Variants in FAM110B observed in about 807,000 individuals in gnomAD.
The protein encoded by FAM110B is protein FAM110B.
Under a neutral mutation model 20.4 loss-of-function variants are expected in FAM110B, and 6 were observed. The ratio of observed to expected loss-of-function variants is 0.29; its 90% CI spans 0.16 to 0.58. The LOEUF (loss-of-function observed/expected upper bound fraction) is 0.58, where lower values mean the gene tolerates loss of function less well. FAM110B is among the 20% of genes least tolerant of loss of function. The pLI, the probability that FAM110B is intolerant of heterozygous loss-of-function variation, is 0.90. For missense variants in FAM110B, 434 were observed against 498.2 expected (o/e 0.87, Z 1.23); for synonymous variants, 226 against 214.1 (o/e 1.06, Z -0.49).
intron 3 of FAM110B, among the ~76,000 whole-genome samples, chr8:58,138,629 C>A (rs1416948322): frequency 6.6e-6 from 1 of 152,160 alleles, no homozygotes; most frequent in Non-Finnish European, 1.5e-5. Context: ...CAAAGCTATT[C>A]CCATTCCAGT....
intron 3 of FAM110B, chr8:58,113,088 T>TGGG (rs35552185): frequency 6.6e-6 from 1 of 151,068 alleles, no homozygotes; most frequent in African/African-American, 2.4e-5. Flanking sequence ...TTCCCATTCA[T>TGGG]GGGGGGGGGC....
At chr8:58,028,375 G>A (rs1177647895) in intron 1 of FAM110B, among the ~76,000 whole-genome samples, 1 of 152,210 alleles carries the variant, frequency 6.6e-6, no homozygotes, top group Non-Finnish European at 1.5e-5. Context: ...CAAAGTGCTT[G>A]GATTACAGGC....
intron 3 of FAM110B, among the ~76,000 whole-genome samples, chr8:58,083,558 T>G (rs1175133634): frequency 6.6e-6 from 1 of 152,232 alleles, no homozygotes; most frequent in Admixed American, 6.5e-5. Flanking sequence ...AGAGATTCAA[T>G]TATTTGTGAT....
chr8:58,021,333 G>A (rs1447931367), intron 1 of FAM110B, among the ~76,000 whole-genome samples: 1 of 152,052 alleles, frequency 6.6e-6, no homozygotes, highest in Non-Finnish European at 1.5e-5. Flanking sequence ...CAACCAAAAA[G>A]GATATCTGAA....
chr8:58,131,012 A>G (rs1291398426), intron 3 of FAM110B, among the ~76,000 whole-genome samples: 2 of 152,114 alleles, frequency 1.3e-5, no homozygotes, highest in Non-Finnish European at 2.9e-5. Flanking sequence ...TCCAACAGCA[A>G]TCCATATAGG....
chr8:58,082,837 G>GT (rs1270825336), intron 3 of FAM110B, among the ~76,000 whole-genome samples: 65 of 123,090 alleles, frequency 5.3e-4, no homozygotes, highest in Admixed American at 1.5e-3. Flanking sequence ...CTCCATTTTT[G>GT]TTTTTTTTTG....
At chr8:58,057,323 A>G (rs1281980313) in intron 2 of FAM110B, among the ~76,000 whole-genome samples, 5 of 152,198 alleles carry the variant, frequency 3.3e-5, no homozygotes, top group Admixed American at 3.3e-4. Flanking sequence ...TAGAGTGAGA[A>G]TTGTCAGACA....
At chr8:58,026,916 C>T (rs1804865936) in intron 1 of FAM110B, among the ~76,000 whole-genome samples, 3 of 152,156 alleles carry the variant, frequency 2.0e-5, no homozygotes, top group African/African-American at 7.2e-5. Context: ...GAGAGTTTGT[C>T]AAAGTTTATC....
intron 2 of FAM110B, among the ~76,000 whole-genome samples, chr8:58,036,203 A>G (rs915337449): frequency 2.0e-5 from 3 of 152,178 alleles, no homozygotes; most frequent in Non-Finnish European, 4.4e-5. Flanking sequence ...GTCCTTTGCT[A>G]CATCTTTTCT....
chr8:58,032,220 C>A (rs887122967), intron 2 of FAM110B: 3 of 152,248 alleles, frequency 2.0e-5, no homozygotes, highest in Non-Finnish European at 4.4e-5. Flanking sequence ...GGACATTTAA[C>A]TTCCCCAATT....
At chr8:57,998,967 C>T (rs971037937) in intron 1 of FAM110B, among the ~76,000 whole-genome samples, 5 of 152,150 alleles carry the variant, frequency 3.3e-5, no homozygotes, top group Admixed American at 1.3e-4. Context: ...GAGATTTTTA[C>T]GTTTTTCACA....
At chr8:58,133,553 A>G (rs1803539399) in intron 3 of FAM110B, among the ~76,000 whole-genome samples, 1 of 152,214 alleles carries the variant, frequency 6.6e-6, no homozygotes, top group African/African-American at 2.4e-5. Flanking sequence ...AGGTCAGAAA[A>G]GACTTCCCTG....
At chr8:58,029,457 C>T (rs973751660) in intron 1 of FAM110B, among the ~76,000 whole-genome samples, 1 of 152,014 alleles carries the variant, frequency 6.6e-6, no homozygotes, top group Admixed American at 6.5e-5. Flanking sequence ...CAGCGTATGC[C>T]CTTGATAACT....
chr8:58,093,601 G>A (rs561142276), intron 3 of FAM110B, among the ~76,000 whole-genome samples: 14 of 152,214 alleles, frequency 9.2e-5, no homozygotes, highest in African/African-American at 3.4e-4. Context: ...TGTTCCATTG[G>A]TCTATACATC....
intron 3 of FAM110B, among the ~76,000 whole-genome samples, chr8:58,110,017 C>G (rs948587133): frequency 2.6e-5 from 4 of 152,180 alleles, no homozygotes; most frequent in African/African-American, 9.7e-5. Flanking sequence ...TGTCTATAAA[C>G]AACACTGTGA....
At chr8:58,032,166 T>C (rs1331973430) in intron 2 of FAM110B, 1 of 152,220 alleles carries the variant, frequency 6.6e-6, no homozygotes. Context: ...GCCTGGGTGT[T>C]CACTTGCAGT....
chr8:58,104,109 C>G (rs944569011), intron 3 of FAM110B, among the ~76,000 whole-genome samples: 1 of 152,208 alleles, frequency 6.6e-6, no homozygotes, highest in African/African-American at 2.4e-5. Context: ...GATTTTTCTG[C>G]AACTCTAGTC....
intron 2 of FAM110B, among the ~76,000 whole-genome samples, chr8:58,065,185 T>G (rs1805736531): frequency 6.6e-6 from 1 of 152,206 alleles, no homozygotes; most frequent in South Asian, 2.1e-4. Flanking sequence ...TTATATGCCT[T>G]GATTTTGGAC....
In FAM110B at chr8:58,078,869, A is replaced by G. The variant is rs140516486; in HGVS notation, c.-325+3246A>G. Among the ~76,000 whole-genome samples, 17 of 152,142 alleles carry G rather than the reference A, an allele frequency of 1.1e-4. No homozygotes were observed. The East Asian group carries it at 2.5e-3, about 22-fold the overall frequency. ...CCGGCCAGATTTTTGCCTTTTTAAT[A>G]TGGTGCGTGCTAGATACTTGAGAAA... On this transcript the variant is annotated intron_variant, in intron 3 of 3. Transcript: ENST00000519262.
Sources: gnomAD v4.1 joint callset for allele counts (sites outside exome capture counted in the v4.1 genomes callset) on GRCh38, gnomAD v4.1.1 for gene constraint, MANE v1.5 for transcripts, NCBI Gene and HGNC (gene_info 2026-07-23, HGNC 2026-07-21) for gene names.